The following SORCS3 variants were observed in gnomAD, a reference collection of about 807,000 sequenced individuals.
SORCS3 encodes sortilin related VPS10 domain containing receptor 3.
SORCS3 carries 57 observed loss-of-function variants against 146.3 expected under a neutral mutation model. The observed-to-expected ratio is 0.39, with a 90% CI of 0.31 to 0.49. The LOEUF (loss-of-function observed/expected upper bound fraction) is 0.49, where lower values mean the gene tolerates loss of function less well. Ranked by LOEUF, SORCS3 falls within the 20% of genes least tolerant of loss-of-function variation. The pLI, the probability that SORCS3 is intolerant of heterozygous loss-of-function variation, is 0.92. For missense variants in SORCS3, 1,341 were observed against 1,575.5 expected (o/e 0.85, Z 2.52); for synonymous variants, 653 against 618.5 (o/e 1.06, Z -0.83).
intron 7 of SORCS3, among the ~76,000 whole-genome samples, chr10:105,138,362 T>C (rs552162188): frequency 6.6e-5 from 10 of 152,154 alleles, no homozygotes; most frequent in Non-Finnish European, 1.5e-4. Context: ...GTAGAGAAGT[T>C]ACAGCTCTTC....
At chr10:104,890,381 A>C (rs1057157691) in intron 2 of SORCS3, among the ~76,000 whole-genome samples, 1 of 152,100 alleles carries the variant, frequency 6.6e-6, no homozygotes, top group Admixed American at 6.6e-5. Context: ...TATGCAAATA[A>C]ATAGAAAAAA....
At chr10:104,843,801 C>G (rs1363235309) in intron 2 of SORCS3, among the ~76,000 whole-genome samples, 2 of 152,216 alleles carry the variant, frequency 1.3e-5, no homozygotes, top group African/African-American at 2.4e-5. Flanking sequence ...GTCACTGGGA[C>G]TTGGTGCTTC....
chr10:104,664,017 T>C (rs901098472), intron 1 of SORCS3, among the ~76,000 whole-genome samples: 1 of 152,216 alleles, frequency 6.6e-6, no homozygotes, highest in Non-Finnish European at 1.5e-5. Context: ...CACACAGAGA[T>C]GCCTCTGTAA....
chr10:104,930,397 C>T (rs2019195101), intron 3 of SORCS3, among the ~76,000 whole-genome samples: 1 of 152,100 alleles, frequency 6.6e-6, no homozygotes, highest in Non-Finnish European at 1.5e-5. Context: ...AGATGGGTAC[C>T]ATGACCCTCT....
chr10:105,070,236 T>A (rs2055548027), intron 5 of SORCS3, among the ~76,000 whole-genome samples: 1 of 152,208 alleles, frequency 6.6e-6, no homozygotes. Context: ...TCTTTACCTT[T>A]CATGTCTTAC....
chr10:105,131,276 TA>T (rs2056016333), intron 7 of SORCS3, among the ~76,000 whole-genome samples: 2 of 152,148 alleles, frequency 1.3e-5, no homozygotes. Context: ...TTTGTTTCTT[TA>T]AAGAGGAGGA....
chr10:105,205,427 G>C (rs1471465000), intron 16 of SORCS3, among the ~76,000 whole-genome samples: 2 of 152,124 alleles, frequency 1.3e-5, no homozygotes, highest in Non-Finnish European at 2.9e-5. Flanking sequence ...TTCAGCATAA[G>C]AGCCTCATAA....
chr10:104,797,600 A>G (rs926097423), intron 1 of SORCS3, among the ~76,000 whole-genome samples: 2 of 152,076 alleles, frequency 1.3e-5, no homozygotes, highest in African/African-American at 4.8e-5. Flanking sequence ...CATTTATTTC[A>G]TCTAATCTTT....
chr10:104,731,459 T>A (rs905814129), intron 1 of SORCS3, among the ~76,000 whole-genome samples: 20 of 152,278 alleles, frequency 1.3e-4, no homozygotes, highest in Admixed American at 5.9e-4. Context: ...ATCCCAGAAG[T>A]CACTGCCGGG....
At chr10:104,819,477 C>T (rs2017848117) in intron 1 of SORCS3, among the ~76,000 whole-genome samples, 1 of 152,228 alleles carries the variant, frequency 6.6e-6, no homozygotes, top group South Asian at 2.1e-4. Context: ...ATCTCCTCCT[C>T]TCATATGCCC....
chr10:105,006,189 G>A (rs1006790276), intron 4 of SORCS3, among the ~76,000 whole-genome samples: 6 of 152,116 alleles, frequency 3.9e-5, no homozygotes, highest in Admixed American at 2.0e-4. Flanking sequence ...TGATCCACCC[G>A]CCTCTGCCTT....
At chr10:104,750,882 C>T (rs2016975207) in intron 1 of SORCS3, among the ~76,000 whole-genome samples, 1 of 152,128 alleles carries the variant, frequency 6.6e-6, no homozygotes, top group Non-Finnish European at 1.5e-5. Flanking sequence ...AAGCCTTAAT[C>T]TATTTTAATA....
At chr10:105,229,199 AT>A (rs906471682) in intron 20 of SORCS3, among the ~76,000 whole-genome samples, 11 of 150,688 alleles carry the variant, frequency 7.3e-5, no homozygotes, top group South Asian at 2.1e-4. Flanking sequence ...ATTTGTCTTC[AT>A]TTTTTTTAAT....
intron 1 of SORCS3, among the ~76,000 whole-genome samples, chr10:104,687,614 A>G (rs932116438): frequency 1.3e-5 from 2 of 152,100 alleles, no homozygotes; most frequent in African/African-American, 4.8e-5. Context: ...ACCATGCAGG[A>G]GCAGGGCAGA....
Position 104,887,971 on chromosome 10 carries a change from G to GGCTGC in SORCS3, c.696-27860_696-27859insTGCGC, listed in dbSNP as rs1554857310. On this transcript the variant is annotated intron_variant, in intron 2 of 26. Coordinates refer to ENST00000369701, the MANE Select transcript of SORCS3 (RefSeq NM_014978.3). The stretch of plus-strand genomic sequence containing the variant: ...AACATGGTGGGGGCGGGGGGGCGGG[G>GGCTGC]GCGGAGCAAGCCCATGAAGACAGCA... Among the ~76,000 whole-genome samples the GGCTGC allele has an allele frequency of 2.8e-4, 23 of 83,116 alleles. 2 individuals are homozygous for GGCTGC. The highest frequency in any genetic ancestry group is 1.2e-3 in the African/African-American group (22 of 18,184). 54.5% of individuals were successfully genotyped at this position (83,116 alleles called of 152,430 possible).
chr10:104,976,727 G>A (rs1434984910), intron 3 of SORCS3, among the ~76,000 whole-genome samples: 6 of 152,192 alleles, frequency 3.9e-5, no homozygotes, highest in Non-Finnish European at 8.8e-5. Context: ...ATACTATGCA[G>A]CCAGAAAAAT....
At chr10:105,149,061 C>T (rs1318142815) in intron 9 of SORCS3, among the ~76,000 whole-genome samples, 1 of 152,148 alleles carries the variant, frequency 6.6e-6, no homozygotes, top group East Asian at 1.9e-4. Flanking sequence ...ACATACCTTG[C>T]TTCCCATTTG....
At chr10:104,796,104 A>G (rs2017551823) in intron 1 of SORCS3, among the ~76,000 whole-genome samples, 1 of 152,218 alleles carries the variant, frequency 6.6e-6, no homozygotes, top group Non-Finnish European at 1.5e-5. Context: ...AAGTCCTCAA[A>G]GAGGGATTGC....
At chr10:105,185,042 T>C (rs1382441692) in intron 14 of SORCS3, among the ~76,000 whole-genome samples, 1 of 152,236 alleles carries the variant, frequency 6.6e-6, no homozygotes, top group Non-Finnish European at 1.5e-5. Context: ...AGATACCTTA[T>C]GTAAGTAAAA....
Sources: allele counts gnomAD v4.1 joint callset (sites outside exome capture counted in the v4.1 genomes callset), GRCh38; gene constraint gnomAD v4.1.1; transcripts MANE v1.5; gene names NCBI Gene and HGNC (gene_info 2026-07-23, HGNC 2026-07-21).